The following EXD1 variants were observed in gnomAD, a reference collection of about 807,000 sequenced individuals.
EXD1 encodes piRNA biogenesis protein EXD1.
A neutral mutation model predicts 49.1 loss-of-function variants in EXD1; 63 were observed. That is an observed-to-expected ratio of 1.28 (90% CI 1.05 to 1.58). The LOEUF (loss-of-function observed/expected upper bound fraction) is 1.58. Ranked by LOEUF, EXD1 falls within the 40% of genes most tolerant of loss-of-function variation. EXD1 has a pLI of 0.00. For synonymous variants in EXD1, 234 were observed against 239.2 expected (o/e 0.98, Z 0.20); for missense variants, 748 against 666.0 (o/e 1.12, Z -1.36).
At position 41,217,092 on chromosome 15, in the gene EXD1, CTT is replaced by C. The variant is rs751427343; in HGVS notation, c.260+3_260+4del. ...ATCATAATTAAGAAAATTATTCCTT[CTT>C]ACCTAACAGAAGATGCTTTTGCTCT... On this transcript the variant is annotated splice_donor_region_variant and intron_variant, in intron 4 of 11. Transcript: ENST00000458580. The C allele has an allele frequency of 5.0e-6, 8 of 1,610,924 alleles. No homozygotes were observed. Among genetic ancestry groups the C allele is most frequent in the Non-Finnish European group, 6.8e-6 (8 of 1,178,828 alleles).
chr15:41,223,129 T>C (rs1373177275), intron 2 of EXD1, among the ~76,000 whole-genome samples: 1 of 152,018 alleles, frequency 6.6e-6, no homozygotes, highest in African/African-American at 2.4e-5. Flanking sequence ...AAAAATAAAA[T>C]TGTTTTTTAG....
chr15:41,184,724 G>A lies in EXD1; in HGVS notation c.1057-131C>T, dbSNP rs1286430230. On this transcript the variant is annotated intron_variant, in intron 11 of 11. Transcript: ENST00000458580. ...GGCTGAAGTGCAGTGGCACGATCTC[G>A]GCTCACTGCAAGCTCTGCCTCCTGG... 2.3e-5 allele frequency: 21 copies of A among 920,788 alleles called. No individual in the cohort carries two copies. The East Asian group carries it at 5.1e-4, about 22-fold the overall frequency. 57.0% of individuals were successfully genotyped at this position (920,788 alleles called of 1,614,324 possible).
At chr15:41,221,948 A>T (rs1277895988) in intron 2 of EXD1, among the ~76,000 whole-genome samples, 1 of 151,584 alleles carries the variant, frequency 6.6e-6, no homozygotes, top group African/African-American at 2.4e-5. Flanking sequence ...AAAACATCAA[A>T]AATTAGCCAG....
intron 11 of EXD1, among the ~76,000 whole-genome samples, chr15:41,186,005 ATATTT>A (rs1239825867): frequency 1.1e-4 from 16 of 152,140 alleles, no homozygotes; most frequent in Middle Eastern, 6.8e-3. Context: ...TCCATAGCTC[ATATTT>A]TATTTTCTAA....
intron 2 of EXD1, among the ~76,000 whole-genome samples, chr15:41,221,649 T>A (rs2047090278): frequency 6.6e-6 from 1 of 151,862 alleles, no homozygotes; most frequent in South Asian, 2.1e-4. Flanking sequence ...GTCTCTACAC[T>A]TCTGCTTGCC....
At chr15:41,187,573 G>A (rs892982270) in intron 11 of EXD1, among the ~76,000 whole-genome samples, 9 of 152,078 alleles carry the variant, frequency 5.9e-5, no homozygotes, top group Non-Finnish European at 1.0e-4. Context: ...TGCATGTAGA[G>A]TATTATAATT....
intron 8 of EXD1, 35 bp downstream of exon 8, chr15:41,195,898 A>G (rs762659262): frequency 6.2e-7 from 1 of 1,609,058 alleles, no homozygotes; most frequent in South Asian, 1.1e-5. Flanking sequence ...CTGGCTGCTA[A>G]TCTTAATAGC....
At position 41,184,603 on chromosome 15, in the gene EXD1, G is replaced by A. The variant is rs766220926; in HGVS notation, c.1057-10C>T. On this transcript the variant is annotated splice_polypyrimidine_tract_variant and intron_variant, in intron 11 of 11. Coordinates refer to ENST00000458580, the MANE Select transcript of EXD1 (RefSeq NM_001286441.2). ...GCTCCATACATGTAGGCTAAGAAGA[G>A]AAAGCGAACACAAGTTTATTATAAC... 6.4e-7 allele frequency: 1 copy of A among 1,555,468 alleles called. No individual in the cohort carries two copies. The highest frequency in any genetic ancestry group is 1.2e-5 in the South Asian group (1 of 82,476).
At chr15:41,186,662 A>C (rs2140797476) in intron 11 of EXD1, among the ~76,000 whole-genome samples, 1 of 152,156 alleles carries the variant, frequency 6.6e-6, no homozygotes, top group Non-Finnish European at 1.5e-5. Flanking sequence ...TATGATAGTG[A>C]AAAATGAAAA....
In EXD1 at chr15:41,230,484, G is replaced by A. The variant is rs575087681; in HGVS notation, c.-59C>T. 1.4e-5 allele frequency: 23 copies of A among 1,613,716 alleles called. No homozygotes were observed. In the South Asian group the frequency reaches 2.3e-4, roughly 16 times the overall value. On this transcript the variant is annotated 5_prime_UTR_variant, in exon 1 of 12. Transcript: ENST00000458580. ...ACTTCAAATAAATGGCGGACCATAA[G>A]CTAGGAATTCACTGTCCTCCATCGT...
intron 6 of EXD1, among the ~76,000 whole-genome samples, chr15:41,215,443 T>C (rs2046984800): frequency 6.6e-6 from 1 of 151,992 alleles, no homozygotes; most frequent in African/African-American, 2.4e-5. Flanking sequence ...TCCCAGCACT[T>C]TGGGAGGCCG....
At chr15:41,187,002 A>G (rs542622082) in intron 11 of EXD1, among the ~76,000 whole-genome samples, 1 of 150,752 alleles carries the variant, frequency 6.6e-6, no homozygotes, top group Non-Finnish European at 1.5e-5. Flanking sequence ...CTCCTGCCTC[A>G]GCCTCCCGAG....
At chr15:41,202,383 C>T (rs1188986915) in intron 7 of EXD1, among the ~76,000 whole-genome samples, 2 of 151,784 alleles carry the variant, frequency 1.3e-5, no homozygotes, top group African/African-American at 4.8e-5. Flanking sequence ...TGCCATGTTG[C>T]CCAGGCTGGC....
intron 5 of EXD1, 111 bp from the exon 6 acceptor site, chr15:41,215,944 C>A (rs1457960855): frequency 2.8e-6 from 3 of 1,085,608 alleles, no homozygotes; most frequent in Non-Finnish European, 4.2e-6. Flanking sequence ...ACTCAAATAC[C>A]CTAAAATTGC....
chr15:41,222,130 C>T (rs773055494), intron 2 of EXD1, among the ~76,000 whole-genome samples: 8 of 151,624 alleles, frequency 5.3e-5, no homozygotes, highest in East Asian at 1.9e-4. Context: ...AATTTTCAAA[C>T]GGGGCCAGGC....
chr15:41,226,450 C>T lies in EXD1; in HGVS notation c.126G>A (p.Leu42=), dbSNP rs2047165846. The T allele has an allele frequency of 6.5e-7, 1 of 1,535,836 alleles. No individual in the cohort carries two copies. The highest frequency in any genetic ancestry group is 2.0e-5 in the Admixed American group (1 of 50,928). ...TAAGAAATAGAACAAGACCTTTCTT[C>T]AGGACAACAATCTTATTAGGGTCAA... ...QHVDPNKIVV[L]KKVKNVETGR... Residue 42 remains leucine, a synonymous_variant, in exon 2 of 12, where the codon CTG becomes CTA. Coordinates refer to ENST00000458580, the MANE Select transcript of EXD1 (RefSeq NM_001286441.2).
intron 2 of EXD1, among the ~76,000 whole-genome samples, chr15:41,221,821 G>C (rs1445184890): frequency 6.6e-6 from 1 of 151,952 alleles, no homozygotes; most frequent in East Asian, 1.9e-4. Context: ...GACTTACTAA[G>C]GCCAAGCGCG....
chr15:41,186,097 GT>G (rs2046402514), intron 11 of EXD1, among the ~76,000 whole-genome samples: 1 of 152,022 alleles, frequency 6.6e-6, no homozygotes, highest in South Asian at 2.1e-4. Flanking sequence ...TGATATTAGT[GT>G]TCTCAAACAA....
rs767106867 is a variant in EXD1 at position 41,191,603 on chromosome 15, G to C, written c.721-18C>G. 1 of 1,612,152 alleles carries C rather than the reference G, an allele frequency of 6.2e-7. No individual in the cohort carries two copies. Among genetic ancestry groups the C allele is most frequent in the Admixed American group, 1.7e-5 (1 of 59,764 alleles). On this transcript the variant is annotated intron_variant, in intron 9 of 11. Transcript: ENST00000458580. ...TCTGCTACCTGTGGTATTTTAAAAAGACAAACAGACCAGTTGAATATATAC... is the reference window on the plus strand; with the variant it reads ...TCTGCTACCTGTGGTATTTTAAAAACACAAACAGACCAGTTGAATATATAC...
Sources: gnomAD v4.1 joint callset for allele counts (sites outside exome capture counted in the v4.1 genomes callset) on GRCh38, gnomAD v4.1.1 for gene constraint, MANE v1.5 for transcripts, NCBI Gene and HGNC (gene_info 2026-07-23, HGNC 2026-07-21) for gene names.